The following RIN1 variants were observed in gnomAD, a reference collection of about 807,000 sequenced individuals.
The protein encoded by RIN1 is ras inhibitor 1.
Under a neutral mutation model 64.9 loss-of-function variants are expected in RIN1, and 52 were observed. That is an observed-to-expected ratio of 0.80 (90% confidence interval 0.64 to 1.01). RIN1 has a LOEUF of 1.01. RIN1 is among the 50% of genes least tolerant of loss of function. RIN1 has a pLI of 0.00. For synonymous variants in RIN1, 486 were observed against 483.6 expected, an observed-to-expected ratio of 1.00 and a Z score of -0.06; for missense variants, 1,040 against 1,064.5, an observed-to-expected ratio of 0.98 and a Z score of 0.32.
At chr11:66,336,547 CGCCTCCTCTGTT>C, upstream of RIN1, 1 of 704,714 alleles carries the variant, frequency 1.4e-6, no homozygotes, top group Non-Finnish European at 2.4e-6. Context: ...GGCCAGTGCC[CGCCTCCTCTGTT>C]CTGGACCCTG....
rs763368944 is a variant in RIN1, at chr11:66,333,978, T to C, written c.1532A>G (p.Gln511Arg). ...GCAGGCCTGCAGGAGCCGCTTGACCTGGGCGCTGGGTGAGTAGGTGCGGAG... is the reference window on the plus strand; with the variant it reads ...GCAGGCCTGCAGGAGCCGCTTGACCCGGGCGCTGGGTGAGTAGGTGCGGAG... ...QLLRTYSPSA[Q>R]VKRLLQACKL... The change falls in exon 7 of 10, where the codon CAG becomes CGG. Residue 511 changes from glutamine to arginine, a missense_variant. Physicochemically the swap from Gln to Arg is conservative, Grantham distance 43 (BLOSUM62 1). Transcript: ENST00000311320. The C allele has an allele frequency of 8.3e-6, 13 of 1,561,048 alleles. No individual in the cohort carries two copies. The Admixed American group carries it at 1.5e-4, about 19-fold the overall frequency.
chr11:66,334,527 C>G lies in RIN1; in HGVS notation c.1272G>C (p.Ser424=), dbSNP rs776300727. ...SAELGPEKLL[S]PKRLEHVLEK... is the part of the protein sequence containing the mutation. ...ACGGAGCCTCACCCAGCCTCTTAGGCGACAGCAGCTTCTCAGGGCCCAGCT... is the reference window on the plus strand; with the variant it reads ...ACGGAGCCTCACCCAGCCTCTTAGGGGACAGCAGCTTCTCAGGGCCCAGCT... The change falls in exon 6 of 10, where the codon TCG becomes TCC. Residue 424 remains serine (S), a synonymous_variant. Coordinates refer to ENST00000311320, the MANE Select transcript of RIN1 (RefSeq NM_004292.3). The G allele has an allele frequency of 2.5e-6, 4 of 1,595,380 alleles. No individual in the cohort carries two copies. The African/African-American group carries it at 4.0e-5, about 16-fold the overall frequency.
chr11:66,336,168 G>A lies in RIN1; in HGVS notation c.87-10C>T, dbSNP rs999146946. 2.1e-6 allele frequency: 3 copies of A among 1,454,238 alleles called. No homozygotes were observed. Among genetic ancestry groups the A allele is most frequent in the Non-Finnish European group, 2.7e-6 (3 of 1,102,612 alleles). The allele number at this position is 1,454,238 out of a possible 1,614,324, so 90.1% of individuals were successfully genotyped here. A position where few individuals can be genotyped will look rare whatever the true frequency, so the allele number is the denominator to read the frequency against. On this transcript the variant is annotated splice_polypyrimidine_tract_variant and intron_variant, in intron 1 of 9. Transcript: ENST00000311320. ...TGGGTCCTGGGCTGGCCTGGGGGCAGGCACCCAGATCTGAGCAGGGAGCCA... is the reference window on the plus strand; with the variant it reads ...TGGGTCCTGGGCTGGCCTGGGGGCAAGCACCCAGATCTGAGCAGGGAGCCA...
At chr11:66,335,578 G>T (rs781064872) in intron 4 of RIN1, 32 bp downstream of exon 4, 1 of 1,611,338 alleles carries the variant, frequency 6.2e-7, no homozygotes, top group Admixed American at 1.7e-5. Flanking sequence ...AGCAGGGCCC[G>T]TGGACACCAG....
rs1854795198 is a variant in RIN1, at chr11:66,333,678, G to A, written c.1592-20C>T. On this transcript the variant is annotated intron_variant, in intron 7 of 9. Transcript: ENST00000311320. Reference sequence around the variant, plus strand: ...CCTCCCCTGTGGGGACATGGTGAGAGGAAGAAGCTTCAGGTACAGTCCTTG... The same window carrying A: ...CCTCCCCTGTGGGGACATGGTGAGAAGAAGAAGCTTCAGGTACAGTCCTTG... 1.2e-6 allele frequency: 2 copies of A among 1,603,270 alleles called. No individual in the cohort carries two copies. The highest frequency in any genetic ancestry group is 2.2e-5 in the East Asian group (1 of 44,734).
chr11:66,336,495 C>T, upstream of RIN1: 1 of 1,064,458 alleles, frequency 9.4e-7, no homozygotes, highest in South Asian at 1.5e-5. Flanking sequence ...GGCGGTCCGC[C>T]TGTCACACCC....
At position 66,332,913 on chromosome 11, in the gene RIN1, C is replaced by T. The variant is rs923545166; in HGVS notation, c.1876-161G>A. The T allele has an allele frequency of 1.1e-5, 7 of 647,620 alleles. No individual in the cohort carries two copies. In the East Asian group the frequency reaches 1.4e-4, roughly 13 times the overall value. 40.1% of individuals were successfully genotyped at this position (647,620 alleles called of 1,614,324 possible). A position where few individuals can be genotyped will look rare whatever the true frequency, so the allele number is the denominator to read the frequency against. The stretch of plus-strand genomic sequence containing the variant: ...CAAAAGCTCTATGTGCTCCAGGGGT[C>T]GGCTTGTGGGCCACAGCCGCAGGTG... On this transcript the variant is annotated intron_variant, in intron 9 of 9. Transcript: ENST00000311320.
chr11:66,336,629 T>C, upstream of RIN1: 1 of 518,458 alleles, frequency 1.9e-6, no homozygotes, highest in Non-Finnish European at 3.4e-6. Flanking sequence ...AGCTGGGGGA[T>C]GCCACCTCCA....
rs1054652082 is a variant in RIN1, at chr11:66,335,433, A to G, written c.521T>C (p.Leu174Pro). 2 of 1,613,198 alleles carry G rather than the reference A, an allele frequency of 1.2e-6. No individual in the cohort carries two copies. The highest frequency in any genetic ancestry group is 2.7e-5 in the African/African-American group (2 of 75,038). Residue 174 changes from leucine to proline, a missense_variant, in exon 5 of 10, where the codon CTG becomes CCG. Transcript: ENST00000311320. The stretch of plus-strand genomic sequence containing the variant: ...AATGCCCAGATGGGAGATGGCCTCC[A>G]GCTCTTTGTGAGTGGCTGCGTGGTG... Reference protein sequence around the residue: ...AIHHAATHKELEAISHLGIEF... With the variant: ...AIHHAATHKEPEAISHLGIEF...
intron 6 of RIN1, 85 bp from the exon 7 acceptor site, chr11:66,334,309 G>T: frequency 7.8e-7 from 1 of 1,283,602 alleles, no homozygotes; most frequent in Non-Finnish European, 1.0e-6. Flanking sequence ...GGGTAGAATC[G>T]GGGAGGAGAG....
At chr11:66,336,472 A>G (rs1396973548), upstream of RIN1, 1 of 1,368,408 alleles carries the variant, frequency 7.3e-7, no homozygotes, top group African/African-American at 1.4e-5. Flanking sequence ...CCCAGTGAGT[A>G]ACACTTCCTG....
At position 66,334,617 on chromosome 11, in the gene RIN1, G is replaced by C; in HGVS notation, c.1182C>G (p.Pro394=). 3 of 1,578,036 alleles carry C rather than the reference G, an allele frequency of 1.9e-6. No individual in the cohort carries two copies. The highest frequency in any genetic ancestry group is 2.3e-5 in the East Asian group (1 of 43,214). ...GGATGCCCTGCAGCTCCTGGGGCTC[G>C]GGCCCAGCCCGCACCTGGGTCAGTA... The part of the protein sequence containing the change: ...QDLLTQVRAG[P]EPQELQGIRQ... The change falls in exon 6 of 10, where the codon CCC becomes CCG. Residue 394 remains proline, a synonymous_variant. Coordinates refer to ENST00000311320, the MANE Select transcript of RIN1 (RefSeq NM_004292.3).
intron 6 of RIN1, 39 bp from the exon 7 acceptor site, chr11:66,334,263 G>T: frequency 1.4e-6 from 2 of 1,381,906 alleles, no homozygotes; most frequent in African/African-American, 1.5e-5. Context: ...GAAGACTGGG[G>T]GTATGGGGGG....
Position 66,333,240 on chromosome 11 carries a change from C to T in RIN1, c.1875+18G>A, listed in dbSNP as rs199896569. On this transcript the variant is annotated intron_variant, in intron 9 of 9. Coordinates refer to ENST00000311320, the MANE Select transcript of RIN1 (RefSeq NM_004292.3). ...GGGATGGCGTCTGGCTCTGAGGACA[C>T]GGTGGAGGGCCTGTTACCTGGAAGC... 50 of 1,608,060 alleles carry T rather than the reference C, an allele frequency of 3.1e-5. No homozygotes were observed. Among genetic ancestry groups the T allele is most frequent in the South Asian group, 4.4e-5 (4 of 90,980 alleles).
At chr11:66,334,306 A>C in intron 6 of RIN1, 82 bp from the exon 7 acceptor site, 2 of 1,291,512 alleles carry the variant, frequency 1.5e-6, no homozygotes, top group Non-Finnish European at 2.1e-6. Context: ...CAGGGGTAGA[A>C]TCGGGGAGGA....
Position 66,334,882 on chromosome 11 carries a change from G to T in RIN1, c.917C>A (p.Pro306Gln). 1 of 1,570,176 alleles carries T rather than the reference G, an allele frequency of 6.4e-7. No homozygotes were observed. The highest frequency in any genetic ancestry group is 1.3e-5 in the African/African-American group (1 of 74,144). Reference sequence around the variant, plus strand: ...CACCTCTTGGAGGGAGGGCATAGGCGGAAGGCTAGGGCCACTGCCTGCTGG... The same window carrying T: ...CACCTCTTGGAGGGAGGGCATAGGCTGAAGGCTAGGGCCACTGCCTGCTGG... ...RVPAGSGPSL[P>Q]PMPSLQEVDC... Residue 306 changes from proline to glutamine, a missense_variant, in exon 6 of 10, where the codon CCG becomes CAG. By Grantham distance (76) the Pro-to-Gln change is moderately conservative (BLOSUM62 -1). Transcript: ENST00000311320.
In RIN1 at chr11:66,335,638, G is replaced by A. The variant is rs952106264; in HGVS notation, c.427C>T (p.Gln143Ter). The change falls in exon 4 of 10, where the codon CAG becomes TAG. Residue 143 changes from glutamine (Q) to a stop codon, truncating the protein, a stop_gained. Transcript: ENST00000311320. LOFTEE classifies it high-confidence loss of function. ...GTGTGGCAGTAGGCACAGATGAGCT[G>A]GACTAGGTCTGGGAACATGAGCTCC... ...GSELMFPDLV[Q>*]LICAYCHTRD... is the part of the protein sequence containing the mutation. 5 of 1,613,750 alleles carry A rather than the reference G, an allele frequency of 3.1e-6. No individual in the cohort carries two copies. The highest frequency in any genetic ancestry group is 1.3e-5 in the African/African-American group (1 of 75,044).
chr11:66,334,190 C>A lies in RIN1; in HGVS notation c.1320G>T (p.Val440=). The A allele has an allele frequency of 6.6e-7, 1 of 1,508,842 alleles. No individual in the cohort carries two copies. The allele number at this position is 1,508,842 out of a possible 1,614,324, so 93.5% of individuals were successfully genotyped here. A position where few individuals can be genotyped will look rare whatever the true frequency, so the allele number is the denominator to read the frequency against. The change falls in exon 7 of 10, where the codon GTG becomes GTT. Residue 440 remains valine, a synonymous_variant. Coordinates refer to ENST00000311320, the MANE Select transcript of RIN1 (RefSeq NM_004292.3). ...CCAGGATGGGCCGGAGAGGCTTGAG[C>A]ACAGAGCAATGCAATGACTTCTCCA... ...HVLEKSLHCS[V]LKPLRPILAA... is the part of the protein sequence containing the mutation.
At chr11:66,334,317 G>A (rs758845089) in intron 6 of RIN1, 93 bp from the exon 7 acceptor site, 1 of 1,273,658 alleles carries the variant, frequency 7.9e-7, no homozygotes, top group Non-Finnish European at 1.1e-6. Context: ...TCGGGGAGGA[G>A]AGGCAAGGAA....
Sources: allele counts gnomAD v4.1 joint callset, GRCh38; gene constraint gnomAD v4.1.1; transcripts MANE v1.5; gene names NCBI Gene and HGNC (gene_info 2026-07-23, HGNC 2026-07-21).